PROM1: variants seen among roughly 807,000 people sequenced by gnomAD.
The protein encoded by PROM1 is prominin-1.
Under a neutral mutation model 116.9 loss-of-function variants are expected in PROM1, and 105 were observed. The observed-to-expected ratio is 0.90, with a 90% confidence interval of 0.77 to 1.06. The LOEUF (loss-of-function observed/expected upper bound fraction) is 1.06. PROM1 is among the 50% of genes least tolerant of loss of function. The pLI is 0.00. For synonymous variants in PROM1, 393 were observed against 387.0 expected, an observed-to-expected ratio of 1.02 and a Z score of -0.18; for missense variants, 1,122 against 1,045.2, an observed-to-expected ratio of 1.07 and a Z score of -1.01.
intron 5 of PROM1, among the ~76,000 whole-genome samples, chr4:16,026,561 A>G (rs1326560524): frequency 4.6e-5 from 7 of 152,306 alleles, no homozygotes; most frequent in Admixed American, 2.0e-4. Context: ...CAATGTCTTG[A>G]GGCTTTATCG....
chr4:16,043,249 G>T (rs1042492981), intron 2 of PROM1, among the ~76,000 whole-genome samples: 2 of 152,174 alleles, frequency 1.3e-5, no homozygotes, highest in South Asian at 4.1e-4. Flanking sequence ...GGAGTCAACA[G>T]ATAATCCAGC....
At chr4:16,038,898 T>C in intron 3 of PROM1, 48 bp downstream of exon 3, 1 of 1,433,666 alleles carries the variant, frequency 7.0e-7, no homozygotes, top group Non-Finnish European at 9.2e-7. Flanking sequence ...GCCAAAATTT[T>C]TCTCATACTT....
chr4:16,055,312 A>T (rs1578235842), intron 2 of PROM1: 1 of 448,248 alleles, frequency 2.2e-6, no homozygotes, highest in Non-Finnish European at 4.5e-6. Context: ...AGGCAGGAGG[A>T]TCACTTGTGT....
At chr4:15,981,919 C>A (rs1044147414) in intron 23 of PROM1, among the ~76,000 whole-genome samples, 1 of 152,220 alleles carries the variant, frequency 6.6e-6, no homozygotes, top group Non-Finnish European at 1.5e-5. Context: ...CTTATTCCCA[C>A]AAAGCAAGAG....
Position 15,971,100 on chromosome 4 carries a change from A to T in PROM1, c.2583-18T>A. 1 of 1,551,644 alleles carries T rather than the reference A, an allele frequency of 6.4e-7. No individual in the cohort carries two copies. The highest frequency in any genetic ancestry group is 8.7e-7 in the Non-Finnish European group (1 of 1,150,046). The stretch of plus-strand genomic sequence containing the variant: ...GTGATGGGCTAAAAAACAAAAAAAT[A>T]AAGAAATATAATACCCCCAACAAAG... On this transcript the variant is annotated intron_variant, in intron 26 of 27. Coordinates refer to ENST00000447510, the MANE Select transcript of PROM1 (RefSeq NM_006017.3).
rs1382054821 is a variant in PROM1 at position 15,980,317 on chromosome 4, A to AG, written c.2489+104_2489+105insC. On this transcript the variant is annotated intron_variant, in intron 24 of 27. Transcript: ENST00000447510. ...CCAACTACTACTAAAAAAAAAAAAA[A>AG]AAAGAAATCAACTTTAACCTCATCA... 2.2e-5 allele frequency: 19 copies of AG among 882,468 alleles called. No homozygotes were observed. The East Asian group carries it at 4.2e-4, about 20-fold the overall frequency. 54.7% of individuals were successfully genotyped at this position (882,468 alleles called of 1,614,324 possible). A position where few individuals can be genotyped will look rare whatever the true frequency, so the allele number is the denominator to read the frequency against.
chr4:15,987,022 G>A (rs1719598564), intron 20 of PROM1, among the ~76,000 whole-genome samples: 1 of 152,248 alleles, frequency 6.6e-6, no homozygotes, highest in Non-Finnish European at 1.5e-5. Context: ...GTGGTAGGTA[G>A]ATTGCATTAG....
At chr4:15,973,655 T>A (rs925459062) in intron 26 of PROM1, among the ~76,000 whole-genome samples, 1 of 152,242 alleles carries the variant, frequency 6.6e-6, no homozygotes, top group Non-Finnish European at 1.5e-5. Flanking sequence ...AACACTTGCC[T>A]CTTATTTGTT....
At chr4:15,980,572 A>G in intron 23 of PROM1, 35 bp from the exon 24 acceptor site, 5 of 1,337,248 alleles carry the variant, frequency 3.7e-6, no homozygotes, top group Non-Finnish European at 1.0e-6. Context: ...TAAATGTTTG[A>G]AGATAAGAAA....
In PROM1 at chr4:16,063,704, C is replaced by T. The variant is rs139360051; in HGVS notation, c.220+11983G>A. ...ACAAAAAAAACTTTTAAAAATGCAGCTATGAGAAAATCAATAAAACTGCAC... is the reference window on the plus strand; with the variant it reads ...ACAAAAAAAACTTTTAAAAATGCAGTTATGAGAAAATCAATAAAACTGCAC... On this transcript the variant is annotated intron_variant, in intron 2 of 27. Transcript: ENST00000447510. Among the ~76,000 whole-genome samples, 472 of 152,256 alleles carry T rather than the reference C, an allele frequency of 3.1e-3. 2 individuals are homozygous for T. The highest frequency in any genetic ancestry group is 0.011 in the African/African-American group (443 of 41,550).
At chr4:16,003,254 T>G in intron 13 of PROM1, 2 of 456,558 alleles carry the variant, frequency 4.4e-6, no homozygotes, top group Non-Finnish European at 8.8e-6. Flanking sequence ...CAGCTGGACA[T>G]GTAGGCTGTT....
chr4:15,988,679 G>C (rs1006520861), intron 19 of PROM1, among the ~76,000 whole-genome samples: 4 of 152,056 alleles, frequency 2.6e-5, no homozygotes, highest in African/African-American at 7.2e-5. Flanking sequence ...AAGGCCAAAG[G>C]GTCCTGTGTA....
chr4:16,014,339 C>A (rs1727716600), intron 10 of PROM1, among the ~76,000 whole-genome samples: 1 of 152,198 alleles, frequency 6.6e-6, no homozygotes, highest in South Asian at 2.1e-4. Flanking sequence ...TTTCTATATG[C>A]CTGACTCCTT....
chr4:15,994,028 G>A lies in PROM1; in HGVS notation c.1726C>T (p.Gln576Ter), dbSNP rs137853005. 10 of 1,613,976 alleles carry A rather than the reference G, an allele frequency of 6.2e-6. No individual in the cohort carries two copies. The South Asian group carries it at 1.1e-4, about 18-fold the overall frequency. Residue 576 changes from glutamine to a stop codon, truncating the protein, a stop_gained, in exon 16 of 28, where the codon CAG (glutamine) becomes TAG (stop). Transcript: ENST00000447510. LOFTEE classifies it high-confidence loss of function. ...TGTTCACTGATATTGAAGCTGTTCT[G>A]CAGGTGAAGAGTGCCGTAAGTGCCT... ...NRGTYGTLHLQNSFNISEHLN... is the reference protein window; with the variant it reads ...NRGTYGTLHL
chr4:16,024,763 G>A (rs1010310366), intron 6 of PROM1, among the ~76,000 whole-genome samples: 7 of 152,044 alleles, frequency 4.6e-5, no homozygotes, highest in African/African-American at 1.7e-4. Flanking sequence ...CAAGGAATTC[G>A]ATATATCTAT....
intron 15 of PROM1, among the ~76,000 whole-genome samples, chr4:15,994,293 T>C (rs1025610056): frequency 2.0e-5 from 3 of 152,194 alleles, no homozygotes; most frequent in African/African-American, 7.2e-5. Context: ...AGAGATGCAA[T>C]AGGATTGATG....
intron 8 of PROM1, among the ~76,000 whole-genome samples, chr4:16,021,594 C>T (rs540764486): frequency 3.3e-5 from 5 of 152,280 alleles, no homozygotes; most frequent in East Asian, 1.9e-4. Flanking sequence ...ATATTGCAAA[C>T]GCACTGACGC....
intron 6 of PROM1, 37 bp from the exon 7 acceptor site, chr4:16,024,395 A>C (rs970460089): frequency 6.4e-7 from 1 of 1,553,080 alleles, no homozygotes; most frequent in South Asian, 1.2e-5. Context: ...TCCCCTTCTA[A>C]GGTCCAAAGG....
chr4:16,029,329 C>A (rs554061823), intron 5 of PROM1, among the ~76,000 whole-genome samples: 1 of 151,166 alleles, frequency 6.6e-6, no homozygotes, highest in Admixed American at 6.6e-5. Context: ...TACTCAGAAA[C>A]TTAGAAACAT....
Sources: gnomAD v4.1 joint callset for allele counts (sites outside exome capture counted in the v4.1 genomes callset) on GRCh38, gnomAD v4.1.1 for gene constraint, MANE v1.5 for transcripts, NCBI Gene and HGNC (gene_info 2026-07-23, HGNC 2026-07-21) for gene names.